Variants in COL17A1 observed in about 807,000 individuals in gnomAD.
COL17A1 encodes collagen type XVII alpha 1 chain.
COL17A1 carries 181 observed loss-of-function variants against 218.4 expected under a neutral mutation model. The ratio of observed to expected loss-of-function variants is 0.83; its 90% CI spans 0.73 to 0.94. The LOEUF (loss-of-function observed/expected upper bound fraction) is 0.94, where lower values mean the gene tolerates loss of function less well. Among genes scored for constraint, COL17A1 ranks in the 40% least tolerant of loss-of-function variants. The pLI, the probability that COL17A1 is intolerant of heterozygous loss-of-function variation, is 0.00. For missense variants in COL17A1, 1,924 were observed against 1,945.9 expected (o/e 0.99, Z 0.21); for synonymous variants, 721 against 731.0 (o/e 0.99, Z 0.22).
In COL17A1 at chr10:104,054,115, T is replaced by A; in HGVS notation, c.1748A>T (p.Asp583Val). The change falls in exon 21 of 56, where the codon GAT (aspartate) becomes GTT (valine). Residue 583 changes from aspartate (D) to valine (V), a missense_variant. Transcript: ENST00000648076. ...ACCTGGAGTCCCAGGGAACCCTCGA[T>A]CTCCTGCAGGAACAAAGGCAAAAGA... ...GDMGSPGPKGDRGFPGTPGIP... is the reference protein window; with the variant it reads ...GDMGSPGPKGVRGFPGTPGIP... The A allele has an allele frequency of 6.2e-7, 1 of 1,608,676 alleles. No individual in the cohort carries two copies. Among genetic ancestry groups the A allele is most frequent in the Non-Finnish European group, 8.5e-7 (1 of 1,177,496 alleles).
intron 35 of COL17A1, 24 bp from the exon 36 acceptor site, chr10:104,042,479 A>C: frequency 5.6e-6 from 9 of 1,613,762 alleles, no homozygotes; most frequent in Non-Finnish European, 6.8e-6. Flanking sequence ...TGAGGAAGAA[A>C]AGGCTAAATC....
rs528824283 is a variant in COL17A1, at chr10:104,071,916, G to A, written c.463+116C>T. On this transcript the variant is annotated intron_variant, in intron 8 of 55. Transcript: ENST00000648076. ...AAAGATGTTTTATGATTGCATGCAT[G>A]TACATACATGTGTGTGCATGCATGC... 5.3e-6 allele frequency: 8 copies of A among 1,498,402 alleles called. No homozygotes were observed. In the East Asian group the frequency reaches 9.1e-5, roughly 17 times the overall value. 92.8% of individuals were successfully genotyped at this position (1,498,402 alleles called of 1,614,324 possible).
chr10:104,053,114 G>A lies in COL17A1; in HGVS notation c.1856C>T (p.Pro619Leu). 1 of 1,613,540 alleles carries A rather than the reference G, an allele frequency of 6.2e-7. No homozygotes were observed. The highest frequency in any genetic ancestry group is 8.5e-7 in the Non-Finnish European group (1 of 1,180,024). ...GSVGDPGMEG[P>L]MGQRGREGPM... Reference sequence around the variant, plus strand: ...GCCTTCTCGCCCTCTCTGGCCCATGGGGCCTTCCATGCCAGGATCTCCTAA... The same window carrying A: ...GCCTTCTCGCCCTCTCTGGCCCATGAGGCCTTCCATGCCAGGATCTCCTAA... Residue 619 changes from proline to leucine, a missense_variant, in exon 23 of 56, where the codon CCC becomes CTC. Transcript: ENST00000648076.
intron 33 of COL17A1, 45 bp from the exon 34 acceptor site, chr10:104,043,905 A>C (rs1402437946): frequency 6.2e-7 from 1 of 1,609,832 alleles, no homozygotes; most frequent in Non-Finnish European, 8.5e-7. Flanking sequence ...CTGAGGATCA[A>C]TTAGTGGCTC....
chr10:104,051,001 C>T (rs566606110), intron 25 of COL17A1, 100 bp from the exon 26 acceptor site: 1 of 1,574,350 alleles, frequency 6.4e-7, no homozygotes, highest in South Asian at 1.1e-5. Flanking sequence ...CACACATATG[C>T]ACACACCCTA....
chr10:104,033,057 A>T (rs911100679), intron 53 of COL17A1, 89 bp from the exon 54 acceptor site: 41 of 1,542,954 alleles, frequency 2.7e-5, no homozygotes, highest in Non-Finnish European at 3.4e-5. Context: ...ACACAGAGAG[A>T]TAGTGATGGA....
chr10:104,058,093 CA>C, intron 16 of COL17A1, 52 bp downstream of exon 16: 1 of 1,611,830 alleles, frequency 6.2e-7, no homozygotes, highest in Admixed American at 1.7e-5. Flanking sequence ...GTCCATTAGC[CA>C]TAAGCAGCCC....
At chr10:104,081,070 C>T (rs969909673) in intron 1 of COL17A1, among the ~76,000 whole-genome samples, 5 of 152,208 alleles carry the variant, frequency 3.3e-5, no homozygotes, top group African/African-American at 1.2e-4. Flanking sequence ...GTGCTATCAA[C>T]TAATTCATTT....
intron 12 of COL17A1, 115 bp from the exon 13 acceptor site, chr10:104,061,588 T>C: frequency 3.7e-6 from 3 of 811,460 alleles, no homozygotes; most frequent in South Asian, 1.5e-5. Flanking sequence ...AAGCAGATGA[T>C]GAATCAACTC....
intron 52 of COL17A1, 98 bp from the exon 53 acceptor site, chr10:104,033,473 G>T (rs1844718659): frequency 2.8e-6 from 4 of 1,426,654 alleles, no homozygotes; most frequent in Middle Eastern, 2.4e-4. Context: ...TCCCAAAGCA[G>T]TTGAACTAGA....
At chr10:104,050,724 G>A (rs2086461049) in intron 26 of COL17A1, 68 bp from the exon 27 acceptor site, 4 of 1,613,992 alleles carry the variant, frequency 2.5e-6, no homozygotes, top group Admixed American at 1.7e-5. Flanking sequence ...GGCAATGTCT[G>A]TCTCTGAAGA....
chr10:104,050,736 A>C (rs1564677374), intron 26 of COL17A1, 80 bp from the exon 27 acceptor site: 5 of 1,613,998 alleles, frequency 3.1e-6, no homozygotes, highest in Non-Finnish European at 3.4e-6. Flanking sequence ...CTCTGAAGAC[A>C]GGCTCCCTCA....
intron 36 of COL17A1, 93 bp downstream of exon 36, chr10:104,042,327 C>T (rs563633345): frequency 1.7e-4 from 229 of 1,378,056 alleles, no homozygotes; most frequent in Middle Eastern, 6.7e-4. Flanking sequence ...ACACCTTTCA[C>T]GTCATCTAGA....
In COL17A1 at chr10:104,050,814, C is replaced by T. The variant is rs755925002; in HGVS notation, c.2092+34G>A. On this transcript the variant is annotated intron_variant, in intron 26 of 55. Coordinates refer to ENST00000648076, the MANE Select transcript of COL17A1 (RefSeq NM_000494.4). Reference sequence around the variant, plus strand: ...AGGCTGTGGGTCGTGTCCATCAGACCCTCACTGTCCCCCCAGGCCTCCCTC... The same window carrying T: ...AGGCTGTGGGTCGTGTCCATCAGACTCTCACTGTCCCCCCAGGCCTCCCTC... 4.3e-6 allele frequency: 7 copies of T among 1,614,012 alleles called. No individual in the cohort carries two copies. In the African/African-American group the frequency reaches 9.3e-5, roughly 22 times the overall value.
Position 104,033,701 on chromosome 10 carries a change from C to T in COL17A1, c.4156+244G>A, listed in dbSNP as rs2147268. On this transcript the variant is annotated intron_variant, in intron 52 of 55. Coordinates refer to ENST00000648076, the MANE Select transcript of COL17A1 (RefSeq NM_000494.4). ...TGACTCATCTGGGACCCAGAACGAG[C>T]TAGGTGTTGGGAAAACAAAGTACAA... Among the ~76,000 whole-genome samples, 111,047 of 151,988 alleles carry T rather than the reference C, an allele frequency of 0.73. 41,466 individuals carry two copies. Among genetic ancestry groups the T allele is most frequent in the East Asian group, 0.85 (4,391 of 5,162 alleles).
rs147549881 is a variant in COL17A1, at chr10:104,039,411, C to T, written c.2896+34G>A. 61 of 1,608,604 alleles carry T rather than the reference C, an allele frequency of 3.8e-5. No individual in the cohort carries two copies. The East Asian group carries it at 1.3e-3, about 35-fold the overall frequency. On this transcript the variant is annotated intron_variant, in intron 43 of 55. Transcript: ENST00000648076. ...GCTCTGGGCACCAGGCTCACCCCTA[C>T]TCCTCACCACCTTCTCACTGCTCCC...
chr10:104,034,541 T>C (rs920862048), intron 51 of COL17A1, 80 bp downstream of exon 51: 9 of 1,557,292 alleles, frequency 5.8e-6, no homozygotes, highest in South Asian at 2.4e-5. Context: ...CCTGTCCCTT[T>C]AAGTGCCTCC....
Position 104,033,024 on chromosome 10 carries a change from C to T in COL17A1, c.4295-56G>A, listed in dbSNP as rs796416869. On this transcript the variant is annotated intron_variant, in intron 53 of 55. Coordinates refer to ENST00000648076, the MANE Select transcript of COL17A1 (RefSeq NM_000494.4). Reference sequence around the variant, plus strand: ...GTCTTGATCACCTGGAAGCTTGGGACATCAAGTCATTTGTTCAGAGTAACA... The same window carrying T: ...GTCTTGATCACCTGGAAGCTTGGGATATCAAGTCATTTGTTCAGAGTAACA... The T allele has an allele frequency of 8.2e-6, 13 of 1,588,490 alleles. No individual in the cohort carries two copies. The African/African-American group carries it at 1.7e-4, about 21-fold the overall frequency.
chr10:104,052,189 G>A lies in COL17A1; in HGVS notation c.1968C>T (p.Gly656=). The stretch of plus-strand genomic sequence containing the variant: ...CCACAGAACCTGGGACACCAGGTGG[G>A]CCATGAGGACCTGGTTCACCAGCAG... The part of the protein sequence containing the change: ...RGAAGEPGPH[G]PPGVPGSVGP... Residue 656 remains glycine (G), a synonymous_variant, in exon 24 of 56, where the codon GGC becomes GGT. Transcript: ENST00000648076. The A allele has an allele frequency of 6.2e-7, 1 of 1,614,156 alleles. No homozygotes were observed. The highest frequency in any genetic ancestry group is 2.2e-5 in the East Asian group (1 of 44,872).
Sources: allele counts gnomAD v4.1 joint callset (sites outside exome capture counted in the v4.1 genomes callset), GRCh38; gene constraint gnomAD v4.1.1; transcripts MANE v1.5; gene names NCBI Gene and HGNC (gene_info 2026-07-23, HGNC 2026-07-21).